AOPEP: variants seen among roughly 807,000 people sequenced by gnomAD.
The protein encoded by AOPEP is aminopeptidase O (putative).
AOPEP carries 77 observed loss-of-function variants against 98.1 expected under a neutral mutation model. The ratio of observed to expected loss-of-function variants is 0.78; its 90% CI spans 0.65 to 0.95. The LOEUF (loss-of-function observed/expected upper bound fraction) is 0.95. Ranked by LOEUF, AOPEP falls within the 40% of genes least tolerant of loss-of-function variation. The pLI is 0.00. For missense variants in AOPEP, 1,024 were observed against 1,024.7 expected (o/e 1.00, Z 0.01); for synonymous variants, 346 against 365.3 (o/e 0.95, Z 0.60).
At position 94,819,377 on chromosome 9, in the gene AOPEP, G is replaced by A. The variant is rs12686277; in HGVS notation, c.1364+18375G>A. On this transcript the variant is annotated intron_variant, in intron 5 of 16. Transcript: ENST00000375315. ...AGTCAGAAGGCTAAGAAGACCAAGT[G>A]TGTGGCCAGCAGCTGCGGGGAGCCA... Among the ~76,000 whole-genome samples the A allele has an allele frequency of 5.3e-3, 801 of 152,296 alleles. 12 individuals are homozygous for A. The highest frequency in any genetic ancestry group is 0.043 in the South Asian group (209 of 4,812).
intron 1 of AOPEP, among the ~76,000 whole-genome samples, chr9:94,743,194 G>T (rs1460331578): frequency 2.3e-5 from 1 of 42,590 alleles, no homozygotes; most frequent in East Asian, 8.8e-4. Flanking sequence ...AGAAGAAGAA[G>T]AAGAAGAGGA....
At position 95,005,538 on chromosome 9, in the gene AOPEP, T is replaced by G. The variant is rs774992743; in HGVS notation, c.2041-4T>G. On this transcript the variant is annotated splice_polypyrimidine_tract_variant and splice_region_variant and intron_variant, in intron 12 of 16. Transcript: ENST00000375315. ...TTTGAAATGCTGTGGTTTTTGAACC[T>G]CAGGTCACGAAATGGATTGGAGTGA... is the stretch of plus-strand genomic sequence containing the variant. The G allele has an allele frequency of 6.2e-7, 1 of 1,613,462 alleles. No individual in the cohort carries two copies. The highest frequency in any genetic ancestry group is 8.5e-7 in the Non-Finnish European group (1 of 1,179,546).
chr9:94,727,730 C>G (rs183504840), intron 1 of AOPEP, among the ~76,000 whole-genome samples: 243 of 152,280 alleles, frequency 1.6e-3, no homozygotes, highest in Non-Finnish European at 2.8e-3. Context: ...GTCTGGGAAG[C>G]CTTCCAATGA....
intron 5 of AOPEP, among the ~76,000 whole-genome samples, chr9:94,899,820 C>G (rs988159895): frequency 1.3e-5 from 2 of 152,004 alleles, no homozygotes; most frequent in East Asian, 3.9e-4. Context: ...ACAGACAACC[C>G]TTTTCAATAA....
At chr9:94,850,574 G>A (rs1323305984) in intron 5 of AOPEP, among the ~76,000 whole-genome samples, 1 of 152,200 alleles carries the variant, frequency 6.6e-6, no homozygotes, top group African/African-American at 2.4e-5. Flanking sequence ...AGTTGGCAAT[G>A]GTAGAGTGGA....
At position 94,760,417 on chromosome 9, in the gene AOPEP, G is replaced by T. The variant is rs754763664; in HGVS notation, c.634G>T (p.Ala212Ser). The change falls in exon 2 of 17, where the codon GCT becomes TCT. Residue 212 changes from alanine to serine, a missense_variant. Physicochemically the swap from Ala to Ser is moderately conservative, Grantham distance 99. This residue lies in a region of AOPEP where 440 missense variants were observed against 433.8 expected (regional missense o/e 1.01). Coordinates refer to ENST00000375315, the MANE Select transcript of AOPEP (RefSeq NM_001193329.3). Reference protein sequence around the residue: ...QLDYYARCSQAPGCGELLFDT... With the variant: ...QLDYYARCSQSPGCGELLFDT... ...AGACTATTACGCTCGCTGCAGCCAGGCTCCTGGCTGTGGGGAACTCCTCTT... is the reference window on the plus strand; with the variant it reads ...AGACTATTACGCTCGCTGCAGCCAGTCTCCTGGCTGTGGGGAACTCCTCTT... 1.2e-6 allele frequency: 2 copies of T among 1,613,858 alleles called. No individual in the cohort carries two copies. Among genetic ancestry groups the T allele is most frequent in the Admixed American group, 1.7e-5 (1 of 59,986 alleles).
intron 11 of AOPEP, chr9:95,004,217 A>G (rs1438676362): frequency 4.4e-6 from 2 of 456,372 alleles, no homozygotes; most frequent in African/African-American, 2.0e-5. Flanking sequence ...GGTTCCAGCA[A>G]CTGCTGATGC....
the AOPEP span, chr9:95,107,400 C>G: frequency 1.0e-6 from 1 of 981,240 alleles, no homozygotes; most frequent in Non-Finnish European, 1.6e-6. Context: ...GGGAGCTAGG[C>G]AGCGGCCGAA....
chr9:95,109,208 G>A, the AOPEP span, among the ~76,000 whole-genome samples: 13 of 152,154 alleles, frequency 8.5e-5, no homozygotes, highest in East Asian at 9.6e-4. Context: ...CACCACACCC[G>A]TCCAAGAGCA....
chr9:95,120,999 G>A, the AOPEP span, among the ~76,000 whole-genome samples: 2 of 152,134 alleles, frequency 1.3e-5, no homozygotes, highest in Non-Finnish European at 2.9e-5. Flanking sequence ...GAGGGCAGCT[G>A]GGGGGAGGCA....
At chr9:94,818,192 T>C (rs1456224726) in intron 5 of AOPEP, among the ~76,000 whole-genome samples, 2 of 152,178 alleles carry the variant, frequency 1.3e-5, no homozygotes, top group Non-Finnish European at 2.9e-5. Flanking sequence ...CCAGAACTCT[T>C]GTGGATAAGA....
At chr9:95,052,937 A>T (rs1286465888) in intron 13 of AOPEP, among the ~76,000 whole-genome samples, 1 of 152,126 alleles carries the variant, frequency 6.6e-6, no homozygotes, top group African/African-American at 2.4e-5. Flanking sequence ...CACAGAACCA[A>T]TGTTAAAATG....
At chr9:95,061,501 A>G (rs1466064982) in intron 14 of AOPEP, among the ~76,000 whole-genome samples, 4 of 152,264 alleles carry the variant, frequency 2.6e-5, no homozygotes, top group South Asian at 2.1e-4. Flanking sequence ...TACAGCAGCC[A>G]TTAGCCATGT....
intron 7 of AOPEP, among the ~76,000 whole-genome samples, chr9:94,953,068 G>C (rs544085959): frequency 6.6e-6 from 1 of 152,268 alleles, no homozygotes; most frequent in African/African-American, 2.4e-5. Flanking sequence ...AAAGACGCAC[G>C]GCAACTCTGC....
intron 5 of AOPEP, among the ~76,000 whole-genome samples, chr9:94,890,547 G>C (rs2048768806): frequency 6.6e-6 from 1 of 152,068 alleles, no homozygotes; most frequent in South Asian, 2.1e-4. Context: ...CCTTCCTTCT[G>C]TTTGCTGTGG....
chr9:95,027,339 C>T (rs2063924494), intron 13 of AOPEP, among the ~76,000 whole-genome samples: 2 of 152,212 alleles, frequency 1.3e-5, no homozygotes, highest in South Asian at 2.1e-4. Context: ...CCTCCCTACT[C>T]TCTAGGTTCT....
intron 5 of AOPEP, among the ~76,000 whole-genome samples, chr9:94,825,904 G>A (rs368003187): frequency 1.3e-5 from 2 of 152,112 alleles, no homozygotes; most frequent in Non-Finnish European, 2.9e-5. Flanking sequence ...GTTTTAAAAA[G>A]TATTTTTAAA....
At chr9:94,876,925 C>G (rs2047016900) in intron 5 of AOPEP, among the ~76,000 whole-genome samples, 1 of 152,170 alleles carries the variant, frequency 6.6e-6, no homozygotes, top group Non-Finnish European at 1.5e-5. Flanking sequence ...CCTGGGAGGT[C>G]TGACTGTCTA....
the AOPEP span, among the ~76,000 whole-genome samples, chr9:95,148,265 C>A: frequency 0.013 from 1,980 of 152,216 alleles, 44 homozygotes; most frequent in African/African-American, 0.045. Flanking sequence ...TGCTTCATAA[C>A]AAAAAAAGAC....
Sources: gnomAD v4.1 joint callset for allele counts (sites outside exome capture counted in the v4.1 genomes callset) on GRCh38, gnomAD v4.1.1 for gene constraint, gnomAD v4.1.1 regional missense constraint, MANE v1.5 for transcripts, NCBI Gene and HGNC (gene_info 2026-07-23, HGNC 2026-07-21) for gene names.